The following HSBP1 variants were observed in gnomAD, a reference collection of about 807,000 sequenced individuals.
HSBP1 encodes the protein heat shock factor-binding protein 1.
In HSBP1, 5 loss-of-function variants were observed where a neutral mutation model predicts 9.6. The observed-to-expected ratio is 0.52, with a 90% CI of 0.27 to 1.09. HSBP1 has a LOEUF of 1.09. Among genes scored for constraint, HSBP1 ranks in the 50% least tolerant of loss-of-function variants. The pLI, the probability that HSBP1 is intolerant of heterozygous loss-of-function variation, is 0.11. For missense variants in HSBP1, 121 were observed against 96.3 expected, an observed-to-expected ratio of 1.26 and a Z score of -1.07; for synonymous variants, 42 against 33.3, an observed-to-expected ratio of 1.26 and a Z score of -0.90.
Position 83,815,464 on chromosome 16 carries a change from A to T in HSBP1, c.*4046A>T, listed in dbSNP as rs1222078720. The T allele has an allele frequency of 1.3e-5, 2 of 150,550 alleles. No individual in the cohort carries two copies. The highest frequency in any genetic ancestry group is 2.5e-5 in the African/African-American group (1 of 40,734). The allele number at this position is 150,550 out of a possible 1,614,324, so 9.3% of individuals were successfully genotyped here. A position where few individuals can be genotyped will look rare whatever the true frequency, so the allele number is the denominator to read the frequency against. On this transcript the variant is annotated 3_prime_UTR_variant, in exon 4 of 4. Coordinates refer to ENST00000433866, the MANE Select transcript of HSBP1 (RefSeq NM_001537.4). ...GAAGTCGAGGTTGCAGTGAGCTGTGATCGGACGACTCCACTCCAGCCGGGG... is the reference window on the plus strand; with the variant it reads ...GAAGTCGAGGTTGCAGTGAGCTGTGTTCGGACGACTCCACTCCAGCCGGGG...
rs548211664 is a variant in HSBP1, at chr16:83,817,021, A to T, written c.*5603A>T. 6.6e-6 allele frequency: 1 copy of T among 152,252 alleles called. No individual in the cohort carries two copies. Among genetic ancestry groups the T allele is most frequent in the Admixed American group, 6.5e-5 (1 of 15,290 alleles). 9.4% of individuals were successfully genotyped at this position (152,252 alleles called of 1,614,324 possible). A position where few individuals can be genotyped will look rare whatever the true frequency, so the allele number is the denominator to read the frequency against. ...AGCTGACTGTCAACCTTGGTGGCAC[A>T]TTAGAATCACCTGGGGAGCAGTTCA... On this transcript the variant is annotated 3_prime_UTR_variant, in exon 4 of 4. Transcript: ENST00000433866.
chr16:83,808,790 C>T, intron 2 of HSBP1, 44 bp downstream of exon 2: 1 of 1,460,632 alleles, frequency 6.8e-7, no homozygotes. Flanking sequence ...GCCTTTGGAG[C>T]CTATTTGCCG....
At position 83,812,475 on chromosome 16, in the gene HSBP1, C is replaced by G. The variant is rs550674794; in HGVS notation, c.*1057C>G. On this transcript the variant is annotated 3_prime_UTR_variant, in exon 4 of 4. Transcript: ENST00000433866. ...TGCCAGGAGTGCTAAACCTAGAGGC[C>G]AATACTGATGACCTGGAAGGTGATC... 6.6e-6 allele frequency: 1 copy of G among 152,114 alleles called. No homozygotes were observed. The highest frequency in any genetic ancestry group is 6.5e-5 in the Admixed American group (1 of 15,272). 9.4% of individuals were successfully genotyped at this position (152,114 alleles called of 1,614,324 possible).
In HSBP1 at chr16:83,812,311, C is replaced by T. The variant is rs769814291; in HGVS notation, c.*893C>T. The T allele has an allele frequency of 2.6e-5, 4 of 152,426 alleles. No individual in the cohort carries two copies. The highest frequency in any genetic ancestry group is 6.5e-5 in the Admixed American group (1 of 15,280). 9.4% of individuals were successfully genotyped at this position (152,426 alleles called of 1,614,324 possible). Reference sequence around the variant, plus strand: ...TGCTTGGCTAGAATATGATCAACGACTTGTAGTAGACTCAAGTTTTTAAAA... The same window carrying T: ...TGCTTGGCTAGAATATGATCAACGATTTGTAGTAGACTCAAGTTTTTAAAA... On this transcript the variant is annotated 3_prime_UTR_variant, in exon 4 of 4. Coordinates refer to ENST00000433866, the MANE Select transcript of HSBP1 (RefSeq NM_001537.4).
chr16:83,814,617 A>C lies in HSBP1; in HGVS notation c.*3199A>C, dbSNP rs1338638114. Reference sequence around the variant, plus strand: ...AGGCTGTCTGGAAATCATCAGCCCCACTGGCTGGATCTCAAAATTTACTTT... The same window carrying C: ...AGGCTGTCTGGAAATCATCAGCCCCCCTGGCTGGATCTCAAAATTTACTTT... On this transcript the variant is annotated 3_prime_UTR_variant, in exon 4 of 4. Coordinates refer to ENST00000433866, the MANE Select transcript of HSBP1 (RefSeq NM_001537.4). 1 of 152,244 alleles carries C rather than the reference A, an allele frequency of 6.6e-6. No individual in the cohort carries two copies. Among genetic ancestry groups the C allele is most frequent in the African/African-American group, 2.4e-5 (1 of 41,454 alleles). The allele number at this position is 152,244 out of a possible 1,614,324, so 9.4% of individuals were successfully genotyped here. A position where few individuals can be genotyped will look rare whatever the true frequency, so the allele number is the denominator to read the frequency against.
In HSBP1 at chr16:83,808,425, C is replaced by T. The variant is rs1904513703; in HGVS notation, c.46-255C>T. Reference sequence around the variant, plus strand: ...TCCCCGCCCTTCAACTCCTCACACACCCCCGGGTGCCCCAGCCCGGCAGAA... The same window carrying T: ...TCCCCGCCCTTCAACTCCTCACACATCCCCGGGTGCCCCAGCCCGGCAGAA... On this transcript the variant is annotated intron_variant, in intron 1 of 3. Coordinates refer to ENST00000433866, the MANE Select transcript of HSBP1 (RefSeq NM_001537.4). 1.2e-5 allele frequency: 7 copies of T among 570,356 alleles called. No homozygotes were observed. The Admixed American group carries it at 2.4e-4, about 20-fold the overall frequency. The allele number at this position is 570,356 out of a possible 1,614,324, so 35.3% of individuals were successfully genotyped here.
In HSBP1 at chr16:83,817,499, C is replaced by G. The variant is rs1303419561; in HGVS notation, c.*6081C>G. ...ATCTCATTCACTGCTCAGAGGCTCT[C>G]GAAAGCTGTTGACATTATCAAAAAG... On this transcript the variant is annotated 3_prime_UTR_variant, in exon 4 of 4. Coordinates refer to ENST00000433866, the MANE Select transcript of HSBP1 (RefSeq NM_001537.4). 3 of 152,222 alleles carry G rather than the reference C, an allele frequency of 2.0e-5. No individual in the cohort carries two copies. The highest frequency in any genetic ancestry group is 2.0e-4 in the Admixed American group (3 of 15,290). 9.4% of individuals were successfully genotyped at this position (152,222 alleles called of 1,614,324 possible). A position where few individuals can be genotyped will look rare whatever the true frequency, so the allele number is the denominator to read the frequency against.
chr16:83,812,768 A>G lies in HSBP1; in HGVS notation c.*1350A>G, dbSNP rs1904629024. 2 of 152,206 alleles carry G rather than the reference A, an allele frequency of 1.3e-5. No homozygotes were observed. Among genetic ancestry groups the G allele is most frequent in the African/African-American group, 4.8e-5 (2 of 41,414 alleles). The allele number at this position is 152,206 out of a possible 1,614,324, so 9.4% of individuals were successfully genotyped here. Reference sequence around the variant, plus strand: ...TTGTGATGCAGGCTGGAGCCCCCGAATGCCCCACACACACTGCAGCATTGA... The same window carrying G: ...TTGTGATGCAGGCTGGAGCCCCCGAGTGCCCCACACACACTGCAGCATTGA... On this transcript the variant is annotated 3_prime_UTR_variant, in exon 4 of 4. Coordinates refer to ENST00000433866, the MANE Select transcript of HSBP1 (RefSeq NM_001537.4).
Position 83,815,324 on chromosome 16 carries a change from T to A in HSBP1, c.*3906T>A, listed in dbSNP as rs1412208355. The A allele has an allele frequency of 6.6e-6, 1 of 152,012 alleles. No individual in the cohort carries two copies. The highest frequency in any genetic ancestry group is 1.5e-5 in the Non-Finnish European group (1 of 67,998). The allele number at this position is 152,012 out of a possible 1,614,324, so 9.4% of individuals were successfully genotyped here. ...AAGAAAAAAAGGCCAGCCTGGGCAA[T>A]ATACTGAGACTCCATCTCTACAAAA... On this transcript the variant is annotated 3_prime_UTR_variant, in exon 4 of 4. Transcript: ENST00000433866.
intron 2 of HSBP1, 45 bp downstream of exon 2, chr16:83,808,791 C>G: frequency 6.9e-7 from 1 of 1,452,800 alleles, no homozygotes; most frequent in Non-Finnish European, 9.6e-7. Context: ...CCTTTGGAGC[C>G]TATTTGCCGG....
intron 1 of HSBP1, 110 bp downstream of exon 1, chr16:83,808,231 G>GC: frequency 1.1e-6 from 1 of 949,880 alleles, no homozygotes; most frequent in Non-Finnish European, 1.5e-6. Context: ...GTCTGCCGAG[G>GC]CCCCGTTTCT....
At position 83,813,829 on chromosome 16, in the gene HSBP1, C is replaced by T. The variant is rs1904658384; in HGVS notation, c.*2411C>T. On this transcript the variant is annotated 3_prime_UTR_variant, in exon 4 of 4. Coordinates refer to ENST00000433866, the MANE Select transcript of HSBP1 (RefSeq NM_001537.4). ...TTTGGCCCCTAGTTCATCCTGCTTT[C>T]CTTTGAGCCACAGGATTTTAAAATA... The T allele has an allele frequency of 6.6e-6, 1 of 152,154 alleles. No individual in the cohort carries two copies. Among genetic ancestry groups the T allele is most frequent in the Non-Finnish European group, 1.5e-5 (1 of 68,034 alleles). 9.4% of individuals were successfully genotyped at this position (152,154 alleles called of 1,614,324 possible). A position where few individuals can be genotyped will look rare whatever the true frequency, so the allele number is the denominator to read the frequency against.
intron 1 of HSBP1, 27 bp from the exon 2 acceptor site, chr16:83,808,653 G>C (rs368661400): frequency 7.7e-5 from 123 of 1,592,144 alleles, no homozygotes; most frequent in Non-Finnish European, 9.3e-5. Context: ...GATGTGGACC[G>C]TGTTTGTTTG....
At chr16:83,810,634 C>T (rs913894297) in intron 3 of HSBP1, among the ~76,000 whole-genome samples, 3 of 151,224 alleles carry the variant, frequency 2.0e-5, no homozygotes, top group Admixed American at 6.6e-5. Context: ...GTGAGGAGCT[C>T]GAGACCAACC....
In HSBP1 at chr16:83,808,039, C is replaced by T. The variant is rs1233197466; in HGVS notation, c.-38C>T. On this transcript the variant is annotated 5_prime_UTR_variant, in exon 1 of 4. It adds an upstream start codon to the 5' untranslated region. Transcript: ENST00000433866. ...AGCGGACAAACGGAAGTGTAGGTTA[C>T]GGTCTGAGACATCACCGCCAAGCTG... is the stretch of plus-strand genomic sequence containing the variant. 3 of 1,506,986 alleles carry T rather than the reference C, an allele frequency of 2.0e-6. No individual in the cohort carries two copies. The highest frequency in any genetic ancestry group is 4.5e-5 in the Admixed American group (2 of 44,488). The allele number at this position is 1,506,986 out of a possible 1,614,324, so 93.4% of individuals were successfully genotyped here. A position where few individuals can be genotyped will look rare whatever the true frequency, so the allele number is the denominator to read the frequency against.
rs1320441603 is a variant in HSBP1, at chr16:83,812,591, G to C, written c.*1173G>C. 6.6e-6 allele frequency: 1 copy of C among 152,124 alleles called. No homozygotes were observed. The highest frequency in any genetic ancestry group is 1.5e-5 in the Non-Finnish European group (1 of 68,034). The allele number at this position is 152,124 out of a possible 1,614,324, so 9.4% of individuals were successfully genotyped here. On this transcript the variant is annotated 3_prime_UTR_variant, in exon 4 of 4. Coordinates refer to ENST00000433866, the MANE Select transcript of HSBP1 (RefSeq NM_001537.4). ...TAAGTTTCTCATCTCACCAGTCTTGGTGTTTATATTGCAAATCTATCAAAG... is the reference window on the plus strand; with the variant it reads ...TAAGTTTCTCATCTCACCAGTCTTGCTGTTTATATTGCAAATCTATCAAAG...
intron 3 of HSBP1, among the ~76,000 whole-genome samples, chr16:83,810,446 G>T (rs1397683303): frequency 6.7e-6 from 1 of 150,012 alleles, no homozygotes; most frequent in African/African-American, 2.5e-5. Flanking sequence ...AATGAATGTT[G>T]CTGAGGGAGG....
Position 83,812,038 on chromosome 16 carries a change from A to T in HSBP1, c.*620A>T, listed in dbSNP as rs1483670079. ...ATGCTAAAGTCGATGAAAAGTAACC[A>T]CTGCCACTGTCTTGTGTCAGAACTT... On this transcript the variant is annotated 3_prime_UTR_variant, in exon 4 of 4. Transcript: ENST00000433866. The T allele has an allele frequency of 6.6e-6, 1 of 152,660 alleles. No homozygotes were observed. The highest frequency in any genetic ancestry group is 1.5e-5 in the Non-Finnish European group (1 of 68,052). 9.5% of individuals were successfully genotyped at this position (152,660 alleles called of 1,614,324 possible).
Position 83,816,821 on chromosome 16 carries a change from T to C in HSBP1, c.*5403T>C, listed in dbSNP as rs1904732117. 1.3e-5 allele frequency: 2 copies of C among 152,218 alleles called. No individual in the cohort carries two copies. The highest frequency in any genetic ancestry group is 2.4e-5 in the African/African-American group (1 of 41,456). 9.4% of individuals were successfully genotyped at this position (152,218 alleles called of 1,614,324 possible). ...CCTGAGCCTGGTGTAACGGTTCTGC[T>C]GATAGTTTCCGGACCCTCAGAGGTG... On this transcript the variant is annotated 3_prime_UTR_variant, in exon 4 of 4. Transcript: ENST00000433866.
Sources: allele counts gnomAD v4.1 joint callset (sites outside exome capture counted in the v4.1 genomes callset), GRCh38; gene constraint gnomAD v4.1.1; transcripts MANE v1.5; gene names NCBI Gene and HGNC (gene_info 2026-07-23, HGNC 2026-07-21).